Variants in RFX4 observed in about 807,000 individuals in gnomAD.
The protein encoded by RFX4 is transcription factor RFX4.
In RFX4, 10 loss-of-function variants were observed where a neutral mutation model predicts 95.0. The observed-to-expected ratio is 0.11, with a 90% CI of 0.06 to 0.18. The LOEUF is 0.18. Ranked by LOEUF, RFX4 falls within the 10% of genes least tolerant of loss-of-function variation. The pLI, the probability that RFX4 is intolerant of heterozygous loss-of-function variation, is 1.00. For missense variants in RFX4, 640 were observed against 922.0 expected (o/e 0.69, Z 3.96); for synonymous variants, 321 against 340.7 (o/e 0.94, Z 0.64).
chr12:106,633,720 C>G (rs563151495), intron 2 of RFX4, among the ~76,000 whole-genome samples: 1 of 152,276 alleles, frequency 6.6e-6, no homozygotes, highest in South Asian at 2.1e-4. Flanking sequence ...CACTGATACT[C>G]AGAAATGGGG....
intron 9 of RFX4, among the ~76,000 whole-genome samples, chr12:106,710,647 C>T (rs1043776219): frequency 5.3e-5 from 8 of 152,180 alleles, no homozygotes; most frequent in Non-Finnish European, 7.3e-5. Flanking sequence ...TGTTCAAAGT[C>T]GGCGGCAAGG....
Position 106,583,235 on chromosome 12 carries a change from T to G in RFX4, c.-86T>G. ...CTCTCTCCCCTTCTCCCTCCCTCCC[T>G]CCCTTCCTCCCTGGGCATCTCTAGC... On this transcript the variant is annotated 5_prime_UTR_variant, in exon 1 of 18. Coordinates refer to ENST00000392842, the MANE Select transcript of RFX4 (RefSeq NM_213594.3). 6.3e-6 allele frequency: 3 copies of G among 477,908 alleles called. No individual in the cohort carries two copies. Among genetic ancestry groups the G allele is most frequent in the Non-Finnish European group, 1.2e-5 (3 of 256,562 alleles). 29.6% of individuals were successfully genotyped at this position (477,908 alleles called of 1,614,324 possible). A position where few individuals can be genotyped will look rare whatever the true frequency, so the allele number is the denominator to read the frequency against.
chr12:106,759,024 G>T (rs1352404042), intron 17 of RFX4, among the ~76,000 whole-genome samples: 1 of 148,650 alleles, frequency 6.7e-6, no homozygotes, highest in Admixed American at 6.6e-5. Context: ...TTGGGAACAT[G>T]GTGTTGAACA....
chr12:106,685,188 G>A (rs560107435), intron 5 of RFX4, among the ~76,000 whole-genome samples: 1 of 152,112 alleles, frequency 6.6e-6, no homozygotes, highest in Non-Finnish European at 1.5e-5. Context: ...CAGGGCCCAG[G>A]AGTCTCTATT....
At chr12:106,624,985 G>A (rs932579808) in intron 2 of RFX4, among the ~76,000 whole-genome samples, 1 of 152,184 alleles carries the variant, frequency 6.6e-6, no homozygotes, top group African/African-American at 2.4e-5. Context: ...TCTGGCATGA[G>A]CCTTTCAGTA....
chr12:106,746,614 T>C (rs1217617651), intron 15 of RFX4, among the ~76,000 whole-genome samples: 1 of 152,178 alleles, frequency 6.6e-6, no homozygotes, highest in African/African-American at 2.4e-5. Context: ...TCTTTAGCAC[T>C]TTCAAGGTAT....
In RFX4 at chr12:106,759,940, C is replaced by T. The variant is rs548847526; in HGVS notation, c.1936-1257C>T. 3.3e-5 allele frequency among the ~76,000 whole-genome samples: 5 copies of T among 152,266 alleles called. No homozygotes were observed. In the South Asian group the frequency reaches 1.0e-3, roughly 32 times the overall value. On this transcript the variant is annotated intron_variant, in intron 17 of 17. Coordinates refer to ENST00000392842, the MANE Select transcript of RFX4 (RefSeq NM_213594.3). ...CTTCCGGCCTAAGCGCCTTCCCCAG[C>T]TCCCCTTAGGCTCTCACTCACAGAG...
intron 5 of RFX4, among the ~76,000 whole-genome samples, chr12:106,685,153 T>G (rs1466946946): frequency 6.6e-6 from 1 of 152,208 alleles, no homozygotes; most frequent in Non-Finnish European, 1.5e-5. Flanking sequence ...CTAGACGTAC[T>G]AAATAGGAGT....
chr12:106,614,710 T>C (rs1052884891), intron 2 of RFX4, among the ~76,000 whole-genome samples: 31 of 151,076 alleles, frequency 2.1e-4, no homozygotes, highest in African/African-American at 7.5e-4. Flanking sequence ...GGGGTTTCAC[T>C]GTGTTAGCCA....
chr12:106,760,415 T>C (rs2043188957), intron 17 of RFX4, among the ~76,000 whole-genome samples: 2 of 152,162 alleles, frequency 1.3e-5, no homozygotes, highest in African/African-American at 4.8e-5. Context: ...TAATCCTTTC[T>C]AGAACTACTT....
chr12:106,595,495 C>T (rs756039703), intron 1 of RFX4, among the ~76,000 whole-genome samples: 3 of 152,158 alleles, frequency 2.0e-5, no homozygotes, highest in Non-Finnish European at 2.9e-5. Flanking sequence ...AGGATGCCCA[C>T]GGGCACTCCT....
chr12:106,745,962 C>T (rs1056855942), intron 15 of RFX4, among the ~76,000 whole-genome samples: 2 of 152,170 alleles, frequency 1.3e-5, no homozygotes, highest in South Asian at 2.1e-4. Context: ...AGCGGTGGCT[C>T]ATGCCTCTAA....
At chr12:106,698,642 T>G (rs1592953577) in intron 8 of RFX4, among the ~76,000 whole-genome samples, 1 of 152,114 alleles carries the variant, frequency 6.6e-6, no homozygotes, top group East Asian at 1.9e-4. Flanking sequence ...TTTCTCTTAT[T>G]TAGATATCAG....
chr12:106,695,602 G>T (rs2041864076), intron 7 of RFX4, among the ~76,000 whole-genome samples: 1 of 152,128 alleles, frequency 6.6e-6, no homozygotes, highest in Admixed American at 6.5e-5. Flanking sequence ...TTTGCTAGTG[G>T]TTTGGGGAGT....
chr12:106,686,197 G>A (rs2041640698), intron 5 of RFX4, among the ~76,000 whole-genome samples: 4 of 152,148 alleles, frequency 2.6e-5, no homozygotes, highest in Admixed American at 2.6e-4. Context: ...CAGATCATGA[G>A]GTCAGGAGTT....
chr12:106,716,392 G>C (rs2042292000), intron 11 of RFX4, among the ~76,000 whole-genome samples: 1 of 151,970 alleles, frequency 6.6e-6, no homozygotes, highest in African/African-American at 2.4e-5. Context: ...ACCAAGAAGA[G>C]GGGTCTTTCT....
intron 2 of RFX4, among the ~76,000 whole-genome samples, chr12:106,632,145 A>G (rs2040428164): frequency 6.6e-6 from 1 of 152,222 alleles, no homozygotes; most frequent in African/African-American, 2.4e-5. Flanking sequence ...GTCAGGAGGT[A>G]GATGCAGAGA....
chr12:106,601,377 G>A (rs1412391260), intron 1 of RFX4: 5 of 1,558,094 alleles, frequency 3.2e-6, no homozygotes, highest in Non-Finnish European at 4.3e-6. Flanking sequence ...ACAGGAGACT[G>A]GGGTGGGCCT....
At chr12:106,620,024 T>A (rs2040150385) in intron 2 of RFX4, among the ~76,000 whole-genome samples, 1 of 152,226 alleles carries the variant, frequency 6.6e-6, no homozygotes, top group Non-Finnish European at 1.5e-5. Flanking sequence ...CTCTATCTCC[T>A]CAAACATATT....
Sources: allele counts gnomAD v4.1 joint callset (sites outside exome capture counted in the v4.1 genomes callset), GRCh38; gene constraint gnomAD v4.1.1; transcripts MANE v1.5; gene names NCBI Gene and HGNC (gene_info 2026-07-23, HGNC 2026-07-21).